Variants in SLC10A7 observed in about 807,000 individuals in gnomAD.
SLC10A7 encodes the protein sodium/bile acid cotransporter 7.
A neutral mutation model predicts 43.2 loss-of-function variants in SLC10A7; 29 were observed. The observed-to-expected ratio is 0.67, with a 90% CI of 0.50 to 0.92. The LOEUF (loss-of-function observed/expected upper bound fraction) is 0.92. SLC10A7 is among the 40% of genes least tolerant of loss of function. The pLI is 0.00. For missense variants in SLC10A7, 295 were observed against 403.2 expected (o/e 0.73, Z 2.30); for synonymous variants, 152 against 144.8 (o/e 1.05, Z -0.35).
chr4:146,306,431 C>G (rs1046747948), intron 6 of SLC10A7, among the ~76,000 whole-genome samples: 1 of 152,026 alleles, frequency 6.6e-6, no homozygotes, highest in African/African-American at 2.4e-5. Context: ...GAAATAGTTT[C>G]TAACTTTCTG....
chr4:146,521,374 A>G (rs1478967033), intron 1 of SLC10A7, among the ~76,000 whole-genome samples: 1 of 152,116 alleles, frequency 6.6e-6, no homozygotes, highest in East Asian at 1.9e-4. Context: ...ACTTCTTGAC[A>G]CTCAGGATAG....
chr4:146,382,083 G>A (rs2630287), intron 5 of SLC10A7, among the ~76,000 whole-genome samples: 124,270 of 152,058 alleles, frequency 0.82, 51,492 homozygotes, highest in African/African-American at 0.94. Context: ...ATCTGACAAA[G>A]GGCTTTGTTG....
intron 7 of SLC10A7, among the ~76,000 whole-genome samples, chr4:146,294,351 A>C (rs1478551261): frequency 1.3e-5 from 2 of 152,140 alleles, no homozygotes; most frequent in African/African-American, 4.8e-5. Flanking sequence ...AATCATGCCA[A>C]ATGCTCTTTG....
intron 4 of SLC10A7, among the ~76,000 whole-genome samples, chr4:146,458,591 A>G (rs1303323436): frequency 6.6e-6 from 1 of 151,924 alleles, no homozygotes; most frequent in Admixed American, 6.6e-5. Context: ...ATCAGAAACT[A>G]AAGTAACTCA....
At chr4:146,456,604 G>A (rs1320586036) in intron 4 of SLC10A7, among the ~76,000 whole-genome samples, 2 of 152,010 alleles carry the variant, frequency 1.3e-5, no homozygotes, top group East Asian at 3.9e-4. Flanking sequence ...TTAATTATAA[G>A]GGATACACAT....
At chr4:146,363,213 C>A (rs1455783110) in intron 5 of SLC10A7, among the ~76,000 whole-genome samples, 1 of 151,998 alleles carries the variant, frequency 6.6e-6, no homozygotes, top group African/African-American at 2.4e-5. Flanking sequence ...GCAGGAGTAA[C>A]TATACTTTTA....
At chr4:146,432,911 G>A (rs1729887761) in intron 5 of SLC10A7, among the ~76,000 whole-genome samples, 2 of 151,504 alleles carry the variant, frequency 1.3e-5, no homozygotes, top group Admixed American at 6.6e-5. Flanking sequence ...GGTGGTACGC[G>A]CCTGTAGTCC....
intron 4 of SLC10A7, among the ~76,000 whole-genome samples, chr4:146,488,628 T>C (rs1474225680): frequency 6.6e-6 from 1 of 152,214 alleles, no homozygotes; most frequent in Admixed American, 6.5e-5. Flanking sequence ...ATCAACCCTA[T>C]AGAAGTCTTT....
At chr4:146,396,519 C>T (rs1186556457) in intron 5 of SLC10A7, among the ~76,000 whole-genome samples, 1 of 151,992 alleles carries the variant, frequency 6.6e-6, no homozygotes, top group African/African-American at 2.4e-5. Flanking sequence ...AAATATACTG[C>T]ATATTGACAT....
chr4:146,461,691 A>T (rs973391780), intron 4 of SLC10A7, among the ~76,000 whole-genome samples: 11 of 151,956 alleles, frequency 7.2e-5, no homozygotes, highest in African/African-American at 2.7e-4. Flanking sequence ...CAAATATAAT[A>T]CATAACTAGG....
At chr4:146,336,965 C>A (rs1733931413) in intron 5 of SLC10A7, among the ~76,000 whole-genome samples, 1 of 151,902 alleles carries the variant, frequency 6.6e-6, no homozygotes, top group Non-Finnish European at 1.5e-5. Context: ...AAAAAGCAAA[C>A]CTTCAGGCAA....
At chr4:146,274,530 A>G (rs920423792) in intron 10 of SLC10A7, among the ~76,000 whole-genome samples, 1 of 152,110 alleles carries the variant, frequency 6.6e-6, no homozygotes, top group African/African-American at 2.4e-5. Flanking sequence ...TTAATAAAAT[A>G]CTGGCATACT....
intron 2 of SLC10A7, chr4:146,513,880 C>G (rs191785027): frequency 3.9e-5 from 6 of 152,160 alleles, no homozygotes; most frequent in East Asian, 1.9e-4. Flanking sequence ...TAAATGCCAT[C>G]ATGAATAATC....
intron 4 of SLC10A7, among the ~76,000 whole-genome samples, chr4:146,503,215 A>C (rs1035186054): frequency 1.3e-5 from 2 of 152,176 alleles, no homozygotes; most frequent in African/African-American, 4.8e-5. Context: ...ATGAGAGAAT[A>C]TAAGTAGAAA....
intron 5 of SLC10A7, among the ~76,000 whole-genome samples, chr4:146,346,535 G>A (rs1192217290): frequency 1.3e-5 from 2 of 152,072 alleles, no homozygotes; most frequent in Admixed American, 1.3e-4. Context: ...TGAGCCTTAA[G>A]TTTCAGAATT....
At chr4:146,349,784 T>C (rs750752597) in intron 5 of SLC10A7, among the ~76,000 whole-genome samples, 2 of 152,052 alleles carry the variant, frequency 1.3e-5, no homozygotes, top group Non-Finnish European at 2.9e-5. Context: ...AACCTAGATA[T>C]TGGGTTCTCA....
chr4:146,519,571 G>T (rs930565069), intron 1 of SLC10A7, among the ~76,000 whole-genome samples: 1 of 151,990 alleles, frequency 6.6e-6, no homozygotes, highest in Non-Finnish European at 1.5e-5. Flanking sequence ...TTTATAAGAG[G>T]TACATTATCT....
At chr4:146,269,929 C>A (rs1309742504) in intron 10 of SLC10A7, among the ~76,000 whole-genome samples, 1 of 152,132 alleles carries the variant, frequency 6.6e-6, no homozygotes, top group Non-Finnish European at 1.5e-5. Flanking sequence ...TTTTAATATA[C>A]ATTTTGTTTT....
intron 9 of SLC10A7, among the ~76,000 whole-genome samples, chr4:146,291,421 C>T (rs1398769393): frequency 1.3e-5 from 2 of 152,278 alleles, no homozygotes; most frequent in South Asian, 4.2e-4. Flanking sequence ...CCTAGTGCTA[C>T]ACCAAGTGCT....
Sources: allele counts gnomAD v4.1 joint callset (sites outside exome capture counted in the v4.1 genomes callset), GRCh38; gene constraint gnomAD v4.1.1; transcripts MANE v1.5; gene names NCBI Gene and HGNC (gene_info 2026-07-23, HGNC 2026-07-21).